The following VPS36 variants were observed in gnomAD, a reference collection of about 807,000 sequenced individuals.
The protein encoded by VPS36 is vacuolar protein sorting 36 homolog.
VPS36 carries 31 observed loss-of-function variants against 63.5 expected under a neutral mutation model. That is an observed-to-expected ratio of 0.49 (90% confidence interval 0.37 to 0.66). VPS36 has a LOEUF of 0.66. VPS36 is among the 30% of genes least tolerant of loss of function. The pLI is 0.00. For synonymous variants in VPS36, 138 were observed against 157.2 expected (o/e 0.88, Z 0.91); for missense variants, 338 against 463.7 (o/e 0.73, Z 2.49).
chr13:52,423,437 G>T, intron 10 of VPS36, 137 bp downstream of exon 10: 1 of 632,038 alleles, frequency 1.6e-6, no homozygotes. Context: ...TAGATCCCAG[G>T]ACAGTATTCT....
chr13:52,435,127 AC>A (rs1381852288), intron 4 of VPS36, among the ~76,000 whole-genome samples: 4 of 151,644 alleles, frequency 2.6e-5, no homozygotes, highest in Non-Finnish European at 5.9e-5. Context: ...ATGTGCCACC[AC>A]ACCCAGCTAA....
At chr13:52,417,909 T>A in intron 11 of VPS36, 83 bp downstream of exon 11, 1 of 1,162,310 alleles carries the variant, frequency 8.6e-7, no homozygotes, top group Non-Finnish European at 1.3e-6. Flanking sequence ...ACACTAGGGA[T>A]GGCAAACTTG....
intron 6 of VPS36, among the ~76,000 whole-genome samples, chr13:52,432,396 GTCA>G (rs1275623248): frequency 2.0e-5 from 3 of 152,020 alleles, no homozygotes; most frequent in Non-Finnish European, 2.9e-5. Context: ...AACCTAATTA[GTCA>G]TCGTCAAAAG....
intron 2 of VPS36, among the ~76,000 whole-genome samples, chr13:52,439,970 T>C (rs1284943820): frequency 1.3e-5 from 2 of 152,080 alleles, no homozygotes; most frequent in East Asian, 3.9e-4. Context: ...TATCCCTTTA[T>C]TCATATGTTT....
intron 4 of VPS36, 46 bp downstream of exon 4, chr13:52,436,244 C>G: frequency 7.3e-7 from 1 of 1,362,038 alleles, no homozygotes; most frequent in Non-Finnish European, 1.0e-6. Context: ...CACACACACA[C>G]ACACACACAC....
At chr13:52,431,593 T>A (rs558088476) in intron 6 of VPS36, among the ~76,000 whole-genome samples, 1 of 151,446 alleles carries the variant, frequency 6.6e-6, no homozygotes, top group Non-Finnish European at 1.5e-5. Context: ...TGAAACCCCG[T>A]CTCTACTAAA....
intron 10 of VPS36, among the ~76,000 whole-genome samples, chr13:52,422,455 C>T (rs908742698): frequency 2.0e-5 from 3 of 152,220 alleles, no homozygotes; most frequent in East Asian, 3.9e-4. Flanking sequence ...CAGATAAACT[C>T]GTGTCACTAG....
intron 9 of VPS36, among the ~76,000 whole-genome samples, chr13:52,425,159 A>G (rs1958087971): frequency 1.3e-5 from 2 of 150,656 alleles, no homozygotes; most frequent in African/African-American, 4.9e-5. Context: ...AGGCTGAGGC[A>G]GGAGAATGGT....
In VPS36 at chr13:52,417,059, T is replaced by C. The variant is rs765128734; in HGVS notation, c.988A>G (p.Thr330Ala). 5.0e-6 allele frequency: 8 copies of C among 1,613,194 alleles called. No homozygotes were observed. The East Asian group carries it at 1.8e-4, about 36-fold the overall frequency. Residue 330 changes from threonine (T) to alanine (A), a missense_variant and splice_region_variant, in exon 12 of 14, where the codon ACA (threonine) becomes GCA (alanine). By Grantham distance (58) the Thr-to-Ala change is moderately conservative (BLOSUM62 0). Transcript: ENST00000378060. ...EEEMVASALETVSEKGSLTSE... is the reference protein window; with the variant it reads ...EEEMVASALEAVSEKGSLTSE... ...TGGAGAAAATCGGCTTCACATACTG[T>C]CTCCAGGGCCGAGGCCACCATTTCC...
intron 1 of VPS36, among the ~76,000 whole-genome samples, chr13:52,446,900 A>G (rs1213369931): frequency 2.2e-5 from 3 of 134,496 alleles, no homozygotes; most frequent in African/African-American, 8.2e-5. Flanking sequence ...TTTTTTTGAG[A>G]TGGAGTTTCT....
Position 52,426,073 on chromosome 13 carries a change from T to TA in VPS36, c.640-8dup. The TA allele has an allele frequency of 1.2e-6, 2 of 1,605,766 alleles. No individual in the cohort carries two copies. The highest frequency in any genetic ancestry group is 1.7e-6 in the Non-Finnish European group (2 of 1,177,990). On this transcript the variant is annotated splice_polypyrimidine_tract_variant and splice_region_variant and intron_variant, in intron 8 of 13. Coordinates refer to ENST00000378060, the MANE Select transcript of VPS36 (RefSeq NM_016075.4). ...AGGATTTAAACCTGATGGTCTATAA[T>TA]AAAAAAGGAGAAAATGCAGAATTAG...
intron 6 of VPS36, among the ~76,000 whole-genome samples, chr13:52,431,656 G>A (rs1194025024): frequency 6.6e-6 from 1 of 151,464 alleles, no homozygotes; most frequent in South Asian, 2.1e-4. Flanking sequence ...CCAGCTACTC[G>A]GGAGGCTAAG....
chr13:52,434,514 C>T (rs887910485), intron 5 of VPS36, among the ~76,000 whole-genome samples: 3 of 152,038 alleles, frequency 2.0e-5, no homozygotes, highest in African/African-American at 7.2e-5. Flanking sequence ...GTGCACCAAC[C>T]TGCCTGGCTA....
chr13:52,446,701 A>G (rs932838916), intron 1 of VPS36, among the ~76,000 whole-genome samples: 4 of 152,192 alleles, frequency 2.6e-5, no homozygotes, highest in Non-Finnish European at 5.9e-5. Context: ...GAAAAAGAAA[A>G]TGAAATAATA....
At chr13:52,433,774 A>T (rs1186164711) in intron 5 of VPS36, 26 bp from the exon 6 acceptor site, 6 of 1,574,936 alleles carry the variant, frequency 3.8e-6, no homozygotes, top group Non-Finnish European at 5.2e-6. Flanking sequence ...GGTAGAAAAT[A>T]AAACATACAA....
In VPS36 at chr13:52,422,941, G is replaced by C. The variant is rs1301397464; in HGVS notation, c.840+633C>G. ...GGGAGATGATTGAATTATGGGGGCG[G>C]GTCTTTCCTGTGCTGTTCTGGTGAT... On this transcript the variant is annotated intron_variant, in intron 10 of 13. Coordinates refer to ENST00000378060, the MANE Select transcript of VPS36 (RefSeq NM_016075.4). 2.0e-5 allele frequency among the ~76,000 whole-genome samples: 3 copies of C among 152,236 alleles called. No homozygotes were observed. In the East Asian group the frequency reaches 5.8e-4, roughly 29 times the overall value.
At chr13:52,433,881 AC>A (rs1958185553) in intron 5 of VPS36, 133 bp from the exon 6 acceptor site, 2 of 659,282 alleles carry the variant, frequency 3.0e-6, no homozygotes, top group East Asian at 5.3e-5. Flanking sequence ...GCATACACGG[AC>A]ATTTAGCTTC....
intron 1 of VPS36, 83 bp from the exon 2 acceptor site, chr13:52,442,528 C>A: frequency 8.8e-7 from 1 of 1,132,886 alleles, no homozygotes. Context: ...TTATACCACA[C>A]TAAATTAATC....
At chr13:52,446,791 G>A (rs1958347824) in intron 1 of VPS36, among the ~76,000 whole-genome samples, 1 of 151,230 alleles carries the variant, frequency 6.6e-6, no homozygotes, top group South Asian at 2.1e-4. Context: ...AGAATGATAG[G>A]TTTATAACTA....
Sources: gnomAD v4.1 joint callset for allele counts (sites outside exome capture counted in the v4.1 genomes callset) on GRCh38, gnomAD v4.1.1 for gene constraint, MANE v1.5 for transcripts, NCBI Gene and HGNC (gene_info 2026-07-23, HGNC 2026-07-21) for gene names.